Variants in ZNF512 observed in about 807,000 individuals in gnomAD.
ZNF512 encodes the protein zinc finger protein 512.
Under a neutral mutation model 77.5 loss-of-function variants are expected in ZNF512, and 25 were observed. The ratio of observed to expected loss-of-function variants is 0.32; its 90% CI spans 0.23 to 0.45. The LOEUF is 0.45. ZNF512 is among the 20% of genes least tolerant of loss of function. ZNF512 has a pLI of 1.00. For missense variants in ZNF512, 483 were observed against 692.6 expected (o/e 0.70, Z 3.40); for synonymous variants, 246 against 239.9 (o/e 1.03, Z -0.24).
intron 2 of ZNF512, among the ~76,000 whole-genome samples, chr2:27,596,489 A>T (rs930740561): frequency 2.6e-5 from 4 of 152,208 alleles, no homozygotes; most frequent in Non-Finnish European, 2.9e-5. Flanking sequence ...GGTAAGAAAG[A>T]AGGGAGTTTC....
chr2:27,592,025 C>T (rs909627176), intron 2 of ZNF512, among the ~76,000 whole-genome samples: 11 of 151,934 alleles, frequency 7.2e-5, no homozygotes, highest in African/African-American at 2.2e-4. Context: ...GCCTAACTCC[C>T]GTTGCCCAGG....
intron 9 of ZNF512, among the ~76,000 whole-genome samples, chr2:27,607,518 C>CCA (rs1173604323): frequency 1.3e-5 from 2 of 152,094 alleles, no homozygotes; most frequent in Non-Finnish European, 2.9e-5. Context: ...CAGGCGTGTG[C>CCA]CACCATGCCA....
chr2:27,615,142 A>C (rs1255416444), intron 10 of ZNF512, 26 bp from the exon 11 acceptor site: 2 of 1,420,562 alleles, frequency 1.4e-6, no homozygotes, highest in Non-Finnish European at 2.0e-6. Flanking sequence ...TATTTATCTA[A>C]TGTTTCTGGT....
intron 13 of ZNF512, among the ~76,000 whole-genome samples, chr2:27,620,708 G>A (rs1364113195): frequency 6.6e-6 from 1 of 152,114 alleles, no homozygotes; most frequent in East Asian, 1.9e-4. Context: ...TTTAAAGTGA[G>A]CCTCGAAAAT....
chr2:27,599,337 C>A (rs1164103169), intron 3 of ZNF512, among the ~76,000 whole-genome samples: 1 of 152,096 alleles, frequency 6.6e-6, no homozygotes, highest in Non-Finnish European at 1.5e-5. Context: ...CTTGAATGCC[C>A]TTATTATTCA....
chr2:27,608,181 C>G, intron 10 of ZNF512, 142 bp downstream of exon 10: 1 of 751,510 alleles, frequency 1.3e-6, no homozygotes. Flanking sequence ...TACATCTGAT[C>G]TAGCTTCGGT....
Position 27,600,030 on chromosome 2 carries a change from A to G in ZNF512, c.434A>G (p.Lys145Arg), listed in dbSNP as rs770041580. 113 of 1,614,082 alleles carry G rather than the reference A, an allele frequency of 7.0e-5. 2 individuals carry two copies. The South Asian group carries it at 1.2e-3, about 18-fold the overall frequency. ...AAATCCCAGGCCCGTCGTATTCGGA[A>G]GGAACCACCAGTTTATGCAGCAGGT... ...NPKSQARRIR[K>R]EPPVYAAGSL... Residue 145 changes from lysine to arginine, a missense_variant, in exon 5 of 14, where the codon AAG becomes AGG. By Grantham distance (26) the Lys-to-Arg change is conservative. This residue lies in a region of ZNF512 where 324 missense variants were observed against 525.0 expected (regional missense o/e 0.62). Coordinates refer to ENST00000355467, the MANE Select transcript of ZNF512 (RefSeq NM_032434.4).
At position 27,598,127 on chromosome 2, in the gene ZNF512, C is replaced by T. The variant is rs770157159; in HGVS notation, c.150C>T (p.Asp50=). The change falls in exon 3 of 14, where the codon GAC becomes GAT. Residue 50 remains aspartate, a synonymous_variant. Coordinates refer to ENST00000355467, the MANE Select transcript of ZNF512 (RefSeq NM_032434.4). ...NSFQYTIPHD[D]SLSGSSSASS... is the part of the protein sequence containing the mutation. ...TCCAGTACACTATCCCTCATGATGA[C>T]TCCTTAAGTGGTTCATCGTCTGCAT... 3.1e-6 allele frequency: 5 copies of T among 1,614,058 alleles called. No homozygotes were observed. In the East Asian group the frequency reaches 8.9e-5, roughly 29 times the overall value.
At chr2:27,600,163 T>C in intron 5 of ZNF512, 110 bp downstream of exon 5, 1 of 1,221,932 alleles carries the variant, frequency 8.2e-7, no homozygotes, top group East Asian at 2.5e-5. Context: ...AGGAGGCAGT[T>C]ACTAAGGGCT....
chr2:27,603,586 G>GTGTGTGTGTGTGTGTGTGTATATA (rs140043162), intron 9 of ZNF512, among the ~76,000 whole-genome samples: 2 of 72,490 alleles, frequency 2.8e-5, no homozygotes, highest in African/African-American at 1.2e-4. Flanking sequence ...GTGTGTGTGT[G>GTGTGTGTGTGTGTGTGTGTATATA]TATATTTTTT....
Position 27,607,988 on chromosome 2 carries a change from G to A in ZNF512, c.1080G>A (p.Lys360=). 8.1e-6 allele frequency: 13 copies of A among 1,608,514 alleles called. No homozygotes were observed. Among genetic ancestry groups the A allele is most frequent in the South Asian group, 2.2e-5 (2 of 90,176 alleles). ...AGCTGGCCTCTGCTGAACTGGCCAAGGAATGGCCCAAGAGGAAGGTGCTTC... is the reference window on the plus strand; with the variant it reads ...AGCTGGCCTCTGCTGAACTGGCCAAAGAATGGCCCAAGAGGAAGGTGCTTC... The part of the protein sequence containing the change: ...LQELASAELA[K]EWPKRKVLQD... Residue 360 remains lysine, a synonymous_variant, in exon 10 of 14, where the codon AAG becomes AAA. Coordinates refer to ENST00000355467, the MANE Select transcript of ZNF512 (RefSeq NM_032434.4).
At chr2:27,606,059 A>G (rs772183577) in intron 9 of ZNF512, among the ~76,000 whole-genome samples, 5 of 150,658 alleles carry the variant, frequency 3.3e-5, no homozygotes, top group South Asian at 4.2e-4. Context: ...CCTAATGACT[A>G]ACGATGCTTA....
chr2:27,596,794 T>C (rs561720111), intron 2 of ZNF512, among the ~76,000 whole-genome samples: 1 of 152,236 alleles, frequency 6.6e-6, no homozygotes, highest in Non-Finnish European at 1.5e-5. Flanking sequence ...ATTTGTAACA[T>C]ACTGACATAA....
intron 1 of ZNF512, 98 bp downstream of exon 1, chr2:27,583,240 C>T: frequency 1.9e-6 from 3 of 1,566,426 alleles, no homozygotes; most frequent in Non-Finnish European, 2.6e-6. Context: ...TTGGTTTTAT[C>T]AGAGGCCATC....
intron 11 of ZNF512, among the ~76,000 whole-genome samples, chr2:27,615,591 G>C (rs1437306435): frequency 6.6e-6 from 1 of 152,154 alleles, no homozygotes; most frequent in Non-Finnish European, 1.5e-5. Context: ...AGAGTAGCTG[G>C]GCTACCAGCA....
At chr2:27,614,661 G>C (rs958375185) in intron 10 of ZNF512, among the ~76,000 whole-genome samples, 26 of 141,058 alleles carry the variant, frequency 1.8e-4, no homozygotes, top group African/African-American at 6.5e-4. Context: ...CTGGGCGACA[G>C]AGCAAGACTC....
intron 10 of ZNF512, among the ~76,000 whole-genome samples, chr2:27,612,951 A>G (rs964413592): frequency 6.6e-6 from 1 of 152,148 alleles, no homozygotes; most frequent in African/African-American, 2.4e-5. Context: ...TGAAACTACC[A>G]TGGTTCTAAA....
chr2:27,620,636 G>A (rs1301863249), intron 13 of ZNF512, among the ~76,000 whole-genome samples: 4 of 152,116 alleles, frequency 2.6e-5, no homozygotes, highest in Admixed American at 6.5e-5. Context: ...TAAGATTGAA[G>A]TTCTTTCTTT....
chr2:27,598,723 A>C (rs1671983306), intron 3 of ZNF512, among the ~76,000 whole-genome samples: 1 of 152,088 alleles, frequency 6.6e-6, no homozygotes, highest in Non-Finnish European at 1.5e-5. Context: ...ATCCTGTCCC[A>C]TTAGCTTCAT....
Sources: gnomAD v4.1 joint callset for allele counts (sites outside exome capture counted in the v4.1 genomes callset) on GRCh38, gnomAD v4.1.1 for gene constraint, gnomAD v4.1.1 regional missense constraint, MANE v1.5 for transcripts, NCBI Gene and HGNC (gene_info 2026-07-23, HGNC 2026-07-21) for gene names.